Variants in SLC41A1 observed in about 807,000 individuals in gnomAD.
The protein encoded by SLC41A1 is solute carrier family 41 (magnesium transporter), member 1.
SLC41A1 carries 20 observed loss-of-function variants against 47.3 expected under a neutral mutation model. That is an observed-to-expected ratio of 0.42 (90% CI 0.30 to 0.61). The LOEUF (loss-of-function observed/expected upper bound fraction) is 0.61. Ranked by LOEUF, SLC41A1 falls within the 20% of genes least tolerant of loss-of-function variation. SLC41A1 has a pLI of 0.17. For missense variants in SLC41A1, 504 were observed against 674.1 expected, an observed-to-expected ratio of 0.75 and a Z score of 2.79; for synonymous variants, 282 against 272.7, an observed-to-expected ratio of 1.03 and a Z score of -0.34.
chr1:205,800,184 C>T (rs541169996), intron 3 of SLC41A1, among the ~76,000 whole-genome samples: 9 of 152,356 alleles, frequency 5.9e-5, no homozygotes, highest in African/African-American at 1.9e-4. Context: ...CTGAAGCCAG[C>T]CTGCGATCCC....
chr1:205,796,656 A>G, intron 8 of SLC41A1: 1 of 543,140 alleles, frequency 1.8e-6, no homozygotes, highest in Non-Finnish European at 3.3e-6. Flanking sequence ...CTAGCAACAG[A>G]TAATGGACTA....
At chr1:205,806,844 CT>C (rs1308017832) in intron 2 of SLC41A1, among the ~76,000 whole-genome samples, 1 of 152,060 alleles carries the variant, frequency 6.6e-6, no homozygotes, top group Non-Finnish European at 1.5e-5. Context: ...TTTTCTTTTT[CT>C]TTTAAATTAA....
At chr1:205,792,939 C>CT (rs1272210183) in intron 10 of SLC41A1, among the ~76,000 whole-genome samples, 1,477 of 142,444 alleles carry the variant, frequency 0.01, 14 homozygotes, top group African/African-American at 0.034. Context: ...TGTCCTCTCT[C>CT]TTTTTTTTTT....
In SLC41A1 at chr1:205,812,825, G is replaced by T; in HGVS notation, c.-664C>A. ...GGACTGACCTGCCCCTCGCCTGGGAGGAAGGGGGGCGCCTGGCAAGTGGCA... is the reference window on the plus strand; with the variant it reads ...GGACTGACCTGCCCCTCGCCTGGGATGAAGGGGGGCGCCTGGCAAGTGGCA... On this transcript the variant is annotated 5_prime_UTR_variant, in exon 1 of 11. Transcript: ENST00000367137. The T allele has an allele frequency of 1.0e-6, 1 of 985,282 alleles. No homozygotes were observed. 61.0% of individuals were successfully genotyped at this position (985,282 alleles called of 1,614,324 possible).
chr1:205,803,876 C>T (rs977216319), intron 2 of SLC41A1, among the ~76,000 whole-genome samples: 1 of 152,122 alleles, frequency 6.6e-6, no homozygotes, highest in Non-Finnish European at 1.5e-5. Context: ...TCGCCTCGAC[C>T]TCCCAAAGTG....
rs367684742 is a variant in SLC41A1 at position 205,797,918 on chromosome 1, G to C, written c.978C>G (p.Ala326=). 6.2e-6 allele frequency: 10 copies of C among 1,614,186 alleles called. No homozygotes were observed. Among genetic ancestry groups the C allele is most frequent in the Non-Finnish European group, 4.2e-6 (5 of 1,180,034 alleles). Reference sequence around the variant, plus strand: ...CCCCAGCCTACCTGCTGATGGCCATGGCAATGATAACAGGCTCCCAGCCCG... The same window carrying C: ...CCCCAGCCTACCTGCTGATGGCCATCGCAATGATAACAGGCTCCCAGCCCG... The part of the protein sequence containing the change: ...LYSGWEPVII[A]MAISSVGGLI... The change falls in exon 7 of 11, where the codon GCC becomes GCG. Residue 326 remains alanine (A), a synonymous_variant. Transcript: ENST00000367137.
At position 205,799,099 on chromosome 1, in the gene SLC41A1, C is replaced by T. The variant is rs758577900; in HGVS notation, c.555G>A (p.Val185=). ...CCAGGAAGCCCACCACCGTGGCCTG[C>T]ACCTGGGGACAGGAGTGGTAACTCA... ...MITGNMALIQ[V]QATVVGFLAS... Residue 185 remains valine (V), a splice_region_variant and synonymous_variant, in exon 5 of 11, where the codon GTG becomes GTA. Coordinates refer to ENST00000367137, the MANE Select transcript of SLC41A1 (RefSeq NM_173854.6). 6.2e-6 allele frequency: 10 copies of T among 1,611,746 alleles called. No homozygotes were observed. The East Asian group carries it at 2.0e-4, about 32-fold the overall frequency.
chr1:205,804,393 T>A (rs1655966240), intron 2 of SLC41A1, among the ~76,000 whole-genome samples: 1 of 152,120 alleles, frequency 6.6e-6, no homozygotes, highest in Admixed American at 6.5e-5. Context: ...AGCCCCACCG[T>A]AGGGACTAAC....
Position 205,791,474 on chromosome 1 carries a change from C to G in SLC41A1, c.*59G>C. On this transcript the variant is annotated 3_prime_UTR_variant, in exon 11 of 11. Transcript: ENST00000367137. The surrounding 1 kb of genome is among the most constrained non-coding windows in gnomAD (Gnocchi z 4.0). ...GTGGGGTGGAGGAGGGACAGGGGAACAAAAGAAAAATTTCAAATAGAAAGT... is the reference window on the plus strand; with the variant it reads ...GTGGGGTGGAGGAGGGACAGGGGAAGAAAAGAAAAATTTCAAATAGAAAGT... 6.2e-7 allele frequency: 1 copy of G among 1,608,662 alleles called. No homozygotes were observed. Among genetic ancestry groups the G allele is most frequent in the Non-Finnish European group, 8.5e-7 (1 of 1,176,168 alleles).
At position 205,813,033 on chromosome 1, in the gene SLC41A1, C is replaced by G; in HGVS notation, c.-872G>C. ...GCGAGGCCGCCGCTCCGCTTCCACG[C>G]GGGGGAGGTGGCCGGGGAGGGCAGG... On this transcript the variant is annotated 5_prime_UTR_variant, in exon 1 of 11. Transcript: ENST00000367137. 1 of 985,510 alleles carries G rather than the reference C, an allele frequency of 1.0e-6. No homozygotes were observed. The highest frequency in any genetic ancestry group is 1.2e-6 in the Non-Finnish European group (1 of 829,986). 61.0% of individuals were successfully genotyped at this position (985,510 alleles called of 1,614,324 possible). A position where few individuals can be genotyped will look rare whatever the true frequency, so the allele number is the denominator to read the frequency against.
At chr1:205,798,556 G>T in intron 6 of SLC41A1, 113 bp downstream of exon 6, 1 of 1,498,244 alleles carries the variant, frequency 6.7e-7, no homozygotes, top group Non-Finnish European at 9.2e-7. Flanking sequence ...TACAACCTGT[G>T]TTCAAACCAA....
chr1:205,805,549 G>A (rs1050949909), intron 2 of SLC41A1, among the ~76,000 whole-genome samples: 22 of 152,174 alleles, frequency 1.4e-4, no homozygotes, highest in African/African-American at 4.8e-4. Flanking sequence ...CTGCTCTGAT[G>A]GGGATGAAAA....
chr1:205,799,756 T>C lies in SLC41A1; in HGVS notation c.552+3A>G. 6.2e-7 allele frequency: 1 copy of C among 1,614,064 alleles called. No individual in the cohort carries two copies. The highest frequency in any genetic ancestry group is 1.1e-5 in the South Asian group (1 of 91,052). On this transcript the variant is annotated splice_donor_region_variant and intron_variant, in intron 4 of 10. Coordinates refer to ENST00000367137, the MANE Select transcript of SLC41A1 (RefSeq NM_173854.6). Reference sequence around the variant, plus strand: ...CCACCCTCTCTGGTCCCTGCCTTCTTACCTGGATGAGGGCCATGTTCCCAG... The same window carrying C: ...CCACCCTCTCTGGTCCCTGCCTTCTCACCTGGATGAGGGCCATGTTCCCAG...
chr1:205,799,720 G>C, intron 4 of SLC41A1, 39 bp downstream of exon 4: 1 of 1,606,908 alleles, frequency 6.2e-7, no homozygotes, highest in East Asian at 2.2e-5. Context: ...CTGACTAAGG[G>C]GAAGCTTAGC....
At position 205,791,789 on chromosome 1, in the gene SLC41A1, G is replaced by A. The variant is rs897581292; in HGVS notation, c.1357-71C>T. 8 of 1,572,188 alleles carry A rather than the reference G, an allele frequency of 5.1e-6. No individual in the cohort carries two copies. In the African/African-American group the frequency reaches 9.5e-5, roughly 19 times the overall value. On this transcript the variant is annotated intron_variant, in intron 10 of 10. Coordinates refer to ENST00000367137, the MANE Select transcript of SLC41A1 (RefSeq NM_173854.6). This position sits in a 1 kb window ranked among gnomAD's most constrained non-coding sequence, Gnocchi z 4.0. ...GGGGGAGCCAGAGGCCACATGATCA[G>A]ACCCATTCAGTGCATCACAGGGCTT...
Position 205,795,475 on chromosome 1 carries a change from A to G in SLC41A1, c.1076T>C (p.Val359Ala). ...CTGCACTGCCACCAGATTGCCCCCAACACCTGCAGAGACACATACGGGCTT... is the reference window on the plus strand; with the variant it reads ...CTGCACTGCCACCAGATTGCCCCCAGCACCTGCAGAGACACATACGGGCTT... ...MAVFTPVINGVGGNLVAVQAS... is the reference protein window; with the variant it reads ...MAVFTPVINGAGGNLVAVQAS... Residue 359 changes from valine (V) to alanine (A), a missense_variant, in exon 9 of 11, where the codon GTT becomes GCT. Val to Ala is a moderately conservative substitution (Grantham distance 64, BLOSUM62 0). Transcript: ENST00000367137. 6.2e-7 allele frequency: 1 copy of G among 1,614,194 alleles called. No homozygotes were observed. Among genetic ancestry groups the G allele is most frequent in the Non-Finnish European group, 8.5e-7 (1 of 1,180,026 alleles).
chr1:205,804,626 T>C lies in SLC41A1; in HGVS notation c.373-3566A>G, dbSNP rs781703122. Among the ~76,000 whole-genome samples, 4 of 152,274 alleles carry C rather than the reference T, an allele frequency of 2.6e-5. No homozygotes were observed. In the East Asian group the frequency reaches 7.7e-4, roughly 29 times the overall value. On this transcript the variant is annotated intron_variant, in intron 2 of 10. Coordinates refer to ENST00000367137, the MANE Select transcript of SLC41A1 (RefSeq NM_173854.6). Reference sequence around the variant, plus strand: ...ACATACCACTGAGGCTCCAGCTCCCTGCAGTCTGGCCTTGCTCTGCTTCGC... The same window carrying C: ...ACATACCACTGAGGCTCCAGCTCCCCGCAGTCTGGCCTTGCTCTGCTTCGC...
intron 9 of SLC41A1, 107 bp downstream of exon 9, chr1:205,795,237 A>G: frequency 6.4e-7 from 1 of 1,559,968 alleles, no homozygotes; most frequent in Non-Finnish European, 8.8e-7. Context: ...ACAGCCCAGC[A>G]GAGAAGGAGA....
At chr1:205,806,982 ATG>A (rs2102509829) in intron 2 of SLC41A1, among the ~76,000 whole-genome samples, 1 of 152,262 alleles carries the variant, frequency 6.6e-6, no homozygotes, top group Non-Finnish European at 1.5e-5. Context: ...CAGGCCCAAT[ATG>A]GACTCCTGCT....
Sources: allele counts gnomAD v4.1 joint callset (sites outside exome capture counted in the v4.1 genomes callset), GRCh38; gene constraint gnomAD v4.1.1; non-coding constraint Gnocchi (gnomAD v3.1); transcripts MANE v1.5; gene names NCBI Gene and HGNC (gene_info 2026-07-23, HGNC 2026-07-21).